The following SLC24A2 variants were observed in gnomAD, a reference collection of about 807,000 sequenced individuals.
SLC24A2 encodes solute carrier family 24 member 2, also known as sodium/potassium/calcium exchanger 2.
A neutral mutation model predicts 62.0 loss-of-function variants in SLC24A2; 36 were observed. The ratio of observed to expected loss-of-function variants is 0.58; its 90% CI spans 0.44 to 0.77. SLC24A2 has a LOEUF of 0.77. SLC24A2 is among the 30% of genes least tolerant of loss of function. The pLI, the probability that SLC24A2 is intolerant of heterozygous loss-of-function variation, is 0.00. For synonymous variants in SLC24A2, 358 were observed against 294.0 expected, an observed-to-expected ratio of 1.22 and a Z score of -2.23; for missense variants, 846 against 817.9, an observed-to-expected ratio of 1.03 and a Z score of -0.42.
intron 2 of SLC24A2, among the ~76,000 whole-genome samples, chr9:19,731,387 T>A (rs1475930213): frequency 6.6e-6 from 1 of 152,196 alleles, no homozygotes; most frequent in African/African-American, 2.4e-5. Flanking sequence ...CCAATGTAAC[T>A]GTATTTGAAG....
chr9:20,232,245 C>A, the SLC24A2 span, among the ~76,000 whole-genome samples: 1 of 152,126 alleles, frequency 6.6e-6, no homozygotes, highest in African/African-American at 2.4e-5. Flanking sequence ...TGATGCTGGC[C>A]TCATAAAATG....
intron 6 of SLC24A2, 78 bp from the exon 7 acceptor site, chr9:19,573,547 G>GAC: frequency 2.3e-6 from 2 of 862,826 alleles, no homozygotes; most frequent in Non-Finnish European, 1.9e-6. Flanking sequence ...GAGAGAGAGA[G>GAC]AGAGAGAAAG....
chr9:19,816,748 T>C, the SLC24A2 span, among the ~76,000 whole-genome samples: 1 of 151,900 alleles, frequency 6.6e-6, no homozygotes, highest in Admixed American at 6.6e-5. Context: ...TGCCACATAC[T>C]TTTAAACAAC....
the SLC24A2 span, among the ~76,000 whole-genome samples, chr9:20,020,584 TA>T: frequency 2.6e-5 from 4 of 151,916 alleles, no homozygotes; most frequent in African/African-American, 9.7e-5. Context: ...GGTGGGGGGC[TA>T]GGGGAGGGAT....
chr9:20,049,502 T>C, the SLC24A2 span, among the ~76,000 whole-genome samples: 1 of 152,100 alleles, frequency 6.6e-6, no homozygotes, highest in Non-Finnish European at 1.5e-5. Context: ...CCTACTTTAA[T>C]TCACCTCTAA....
the SLC24A2 span, among the ~76,000 whole-genome samples, chr9:19,797,917 T>G: frequency 6.6e-6 from 1 of 152,202 alleles, no homozygotes; most frequent in Non-Finnish European, 1.5e-5. Context: ...TTTCAGCCCC[T>G]TCTTGTGCCT....
chr9:19,821,288 A>C, the SLC24A2 span, among the ~76,000 whole-genome samples: 4 of 152,276 alleles, frequency 2.6e-5, no homozygotes, highest in South Asian at 6.2e-4. Context: ...TGTAATCTAG[A>C]TTCTGCATCT....
upstream of SLC24A2, among the ~76,000 whole-genome samples, chr9:19,791,510 C>T (rs1823320206): frequency 6.6e-6 from 1 of 152,202 alleles, no homozygotes; most frequent in Non-Finnish European, 1.5e-5. Context: ...CAAAGCATCT[C>T]AATGAGATCC....
chr9:19,681,905 G>A (rs967038414), intron 2 of SLC24A2, among the ~76,000 whole-genome samples: 2 of 152,168 alleles, frequency 1.3e-5, no homozygotes, highest in East Asian at 1.9e-4. Context: ...TATTATGTTC[G>A]CAGAATATTT....
chr9:19,608,330 T>A (rs35137238), intron 4 of SLC24A2, among the ~76,000 whole-genome samples: 2 of 151,900 alleles, frequency 1.3e-5, no homozygotes, highest in East Asian at 3.9e-4. Flanking sequence ...TTTTTTTTTT[T>A]AAATAGAAGC....
chr9:19,577,302 C>T (rs1836048022), intron 5 of SLC24A2, among the ~76,000 whole-genome samples: 1 of 81,500 alleles, frequency 1.2e-5, no homozygotes. Context: ...TGCTGAGATC[C>T]AAAACAGGTC....
chr9:20,157,073 A>C, the SLC24A2 span, among the ~76,000 whole-genome samples: 1 of 151,818 alleles, frequency 6.6e-6, no homozygotes, highest in Non-Finnish European at 1.5e-5. Flanking sequence ...ATTTATTATA[A>C]TTTGTATATT....
the SLC24A2 span, among the ~76,000 whole-genome samples, chr9:19,989,831 AGCT>A: frequency 6.6e-6 from 1 of 152,232 alleles, no homozygotes; most frequent in African/African-American, 2.4e-5. Context: ...AGTTCTTTCA[AGCT>A]GCATAATGGT....
At chr9:20,210,663 T>C in the SLC24A2 span, among the ~76,000 whole-genome samples, 3 of 120,292 alleles carry the variant, frequency 2.5e-5, no homozygotes, top group African/African-American at 1.0e-4. Flanking sequence ...TTTTTTTTTT[T>C]TTTTTTTTTT....
At chr9:20,119,824 C>G in the SLC24A2 span, among the ~76,000 whole-genome samples, 1 of 152,134 alleles carries the variant, frequency 6.6e-6, no homozygotes. Context: ...TGTGTTTATT[C>G]AGAGACAACA....
the SLC24A2 span, among the ~76,000 whole-genome samples, chr9:19,867,535 T>C: frequency 6.6e-6 from 1 of 152,216 alleles, no homozygotes; most frequent in Non-Finnish European, 1.5e-5. Flanking sequence ...GTCTCCTCTT[T>C]CATTCCTGAT....
At chr9:19,759,217 T>C (rs73432058) in intron 2 of SLC24A2, among the ~76,000 whole-genome samples, 3,057 of 152,286 alleles carry the variant, frequency 0.02, 112 homozygotes, top group African/African-American at 0.069. Flanking sequence ...TGGTAGCAAG[T>C]TGGCATAACC....
chr9:19,830,054 G>C, the SLC24A2 span, among the ~76,000 whole-genome samples: 1 of 152,024 alleles, frequency 6.6e-6, no homozygotes, highest in African/African-American at 2.4e-5. Context: ...GGCAAGGGCA[G>C]ATGGGTGATG....
chr9:20,063,695 A>G, the SLC24A2 span, among the ~76,000 whole-genome samples: 2 of 152,178 alleles, frequency 1.3e-5, no homozygotes, highest in South Asian at 4.1e-4. Flanking sequence ...AATAACTCAT[A>G]AAGCTCAATA....
Sources: gnomAD v4.1 joint callset for allele counts (sites outside exome capture counted in the v4.1 genomes callset) on GRCh38, gnomAD v4.1.1 for gene constraint, MANE v1.5 for transcripts, NCBI Gene and HGNC (gene_info 2026-07-23, HGNC 2026-07-21) for gene names.